The following ACER3 variants were observed in gnomAD, a reference collection of about 807,000 sequenced individuals.
ACER3 encodes alkCDase 3.
A neutral mutation model predicts 48.9 loss-of-function variants in ACER3; 16 were observed. The ratio of observed to expected loss-of-function variants is 0.33; its 90% confidence interval spans 0.22 to 0.50. The LOEUF (loss-of-function observed/expected upper bound fraction) is 0.50. Ranked by LOEUF, ACER3 falls within the 20% of genes least tolerant of loss-of-function variation. The probability of loss-of-function intolerance (pLI) is 0.98; values close to 1 mark genes in which losing one functional copy is unlikely to be tolerated. For missense variants in ACER3, 227 were observed against 326.0 expected (o/e 0.70, Z 2.34); for synonymous variants, 109 against 107.8 (o/e 1.01, Z -0.07).
chr11:76,952,617 A>T (rs918388937), intron 2 of ACER3, among the ~76,000 whole-genome samples: 4 of 151,870 alleles, frequency 2.6e-5, no homozygotes, highest in Admixed American at 1.3e-4. Context: ...AAAAAACTTG[A>T]AAGAAACAAA....
chr11:76,937,159 C>G (rs1357270799), intron 2 of ACER3, among the ~76,000 whole-genome samples: 1 of 152,090 alleles, frequency 6.6e-6, no homozygotes, highest in African/African-American at 2.4e-5. Flanking sequence ...AAGAGAAATG[C>G]AAATGAAAAC....
At position 76,923,346 on chromosome 11, in the gene ACER3, C is replaced by T. The variant is rs148167271; in HGVS notation, c.104-3211C>T. Among the ~76,000 whole-genome samples, 150 of 152,242 alleles carry T rather than the reference C, an allele frequency of 9.9e-4. 1 individual carries two copies. The highest frequency in any genetic ancestry group is 3.4e-3 in the Middle Eastern group (1 of 294). On this transcript the variant is annotated intron_variant, in intron 1 of 10. Transcript: ENST00000532485. ...CCCTCCTTCTGCATTGAACTTCCAC[C>T]ATTTCTCCCCCAGCAACCACTGATC...
At chr11:76,950,393 A>G (rs1384258200) in intron 2 of ACER3, among the ~76,000 whole-genome samples, 1 of 32,254 alleles carries the variant, frequency 3.1e-5, no homozygotes, top group South Asian at 9.8e-4. Flanking sequence ...ATATATATAT[A>G]TATATATATA....
At chr11:76,933,098 C>T (rs1046562286) in intron 2 of ACER3, among the ~76,000 whole-genome samples, 38 of 149,876 alleles carry the variant, frequency 2.5e-4, no homozygotes, top group Admixed American at 1.5e-3. Flanking sequence ...GAATTAAGAT[C>T]CTACCTAAAA....
intron 2 of ACER3, among the ~76,000 whole-genome samples, chr11:76,935,774 A>G (rs1407831609): frequency 3.3e-5 from 5 of 152,338 alleles, no homozygotes; most frequent in Admixed American, 6.5e-5. Context: ...CATATGTTGC[A>G]ATTTAAATTA....
intron 1 of ACER3, among the ~76,000 whole-genome samples, chr11:76,870,750 A>G (rs1945222223): frequency 6.6e-6 from 1 of 152,178 alleles, no homozygotes; most frequent in Non-Finnish European, 1.5e-5. Context: ...ATGTAACCCA[A>G]TCAGATAAGT....
chr11:76,974,421 T>C (rs1048427450), intron 3 of ACER3, among the ~76,000 whole-genome samples: 1 of 152,198 alleles, frequency 6.6e-6, no homozygotes, highest in African/African-American at 2.4e-5. Context: ...AACAGTGATA[T>C]AGTTGGTTAT....
At chr11:76,985,599 A>T (rs1345869246) in intron 4 of ACER3, 44 bp from the exon 5 acceptor site, 3 of 1,215,344 alleles carry the variant, frequency 2.5e-6, no homozygotes, top group Non-Finnish European at 3.5e-6. Context: ...TTATGTTCCT[A>T]CTTATATATT....
Position 76,969,957 on chromosome 11 carries a change from TA to T in ACER3, c.268-6322del, listed in dbSNP as rs35822676. On this transcript the variant is annotated intron_variant, in intron 3 of 10. Transcript: ENST00000532485. ...ACTTAAAGTATAATAATAATAAAAT[TA>T]AAAAAAAAAGAAACCTGTTTAATAA... Among the ~76,000 whole-genome samples the T allele has an allele frequency of 8.2e-3, 1,223 of 149,216 alleles. 7 individuals are homozygous for T. The highest frequency in any genetic ancestry group is 0.013 in the Non-Finnish European group (848 of 67,242).
chr11:77,012,145 C>T (rs1011364023), intron 7 of ACER3, among the ~76,000 whole-genome samples: 14 of 152,022 alleles, frequency 9.2e-5, no homozygotes, highest in South Asian at 4.1e-4. Flanking sequence ...GAGAGCCAGG[C>T]GCGGTGGCTC....
chr11:76,880,467 A>G (rs541824345), intron 1 of ACER3, among the ~76,000 whole-genome samples: 3 of 152,342 alleles, frequency 2.0e-5, no homozygotes, highest in Admixed American at 2.0e-4. Flanking sequence ...ACTTGGTAGC[A>G]TCAGATCCCA....
At chr11:76,990,413 C>T (rs1260230887) in intron 5 of ACER3, 126 bp from the exon 6 acceptor site, 2 of 739,382 alleles carry the variant, frequency 2.7e-6, no homozygotes. Flanking sequence ...TTTTACATGG[C>T]TAGATTCAAG....
At chr11:76,996,422 TA>T (rs749950616) in intron 6 of ACER3, among the ~76,000 whole-genome samples, 10 of 140,660 alleles carry the variant, frequency 7.1e-5, no homozygotes, top group East Asian at 1.9e-4. Context: ...TTATTATTAT[TA>T]TTATTATTTT....
At chr11:76,945,475 C>T (rs554298784) in intron 2 of ACER3, among the ~76,000 whole-genome samples, 1 of 152,218 alleles carries the variant, frequency 6.6e-6, no homozygotes, top group African/African-American at 2.4e-5. Flanking sequence ...TTTGGCAGTA[C>T]ACGGGTTCAG....
In ACER3 at chr11:76,914,608, C is replaced by T. The variant is rs536049804; in HGVS notation, c.104-11949C>T. Among the ~76,000 whole-genome samples, 4 of 152,250 alleles carry T rather than the reference C, an allele frequency of 2.6e-5. No homozygotes were observed. In the East Asian group the frequency reaches 7.7e-4, roughly 29 times the overall value. On this transcript the variant is annotated intron_variant, in intron 1 of 10. Coordinates refer to ENST00000532485, the MANE Select transcript of ACER3 (RefSeq NM_018367.7). ...TTTACACTATTGGTGGGAGTGTAAA[C>T]TAGTTCAACCATGGAGGAAGACAGT...
intron 8 of ACER3, among the ~76,000 whole-genome samples, chr11:77,015,796 G>A (rs1313219523): frequency 6.6e-6 from 1 of 152,072 alleles, no homozygotes; most frequent in Non-Finnish European, 1.5e-5. Flanking sequence ...GAATGACCTG[G>A]TCTCTTCGAC....
In ACER3 at chr11:77,022,886, A is replaced by G. The variant is rs1038217771; in HGVS notation, c.*2559A>G. Reference sequence around the variant, plus strand: ...TCCGTCTCAAAAAAAAAAAAAAAAAAAAAAAAGAAAAGAAAAGAAAATATA... The same window carrying G: ...TCCGTCTCAAAAAAAAAAAAAAAAAGAAAAAAGAAAAGAAAAGAAAATATA... On this transcript the variant is annotated 3_prime_UTR_variant, in exon 11 of 11. Coordinates refer to ENST00000532485, the MANE Select transcript of ACER3 (RefSeq NM_018367.7). The G allele has an allele frequency of 3.7e-3, 1,201 of 327,762 alleles. 14 individuals are homozygous for G. The highest frequency in any genetic ancestry group is 0.02 in the African/African-American group (929 of 46,958). 20.3% of individuals were successfully genotyped at this position (327,762 alleles called of 1,614,324 possible).
At chr11:76,964,170 C>T (rs377726788) in intron 3 of ACER3, among the ~76,000 whole-genome samples, 4 of 151,554 alleles carry the variant, frequency 2.6e-5, no homozygotes, top group African/African-American at 7.3e-5. Flanking sequence ...GATTATATCC[C>T]GCACCTGGCT....
chr11:76,931,429 C>T (rs970058205), intron 2 of ACER3, among the ~76,000 whole-genome samples: 1 of 150,954 alleles, frequency 6.6e-6, no homozygotes, highest in Non-Finnish European at 1.5e-5. Flanking sequence ...AATTTGCCAG[C>T]CTGTGTCTTT....
Sources: gnomAD v4.1 joint callset for allele counts (sites outside exome capture counted in the v4.1 genomes callset) on GRCh38, gnomAD v4.1.1 for gene constraint, MANE v1.5 for transcripts, NCBI Gene and HGNC (gene_info 2026-07-23, HGNC 2026-07-21) for gene names.